The following CLVS2 variants were observed in gnomAD, a reference collection of about 807,000 sequenced individuals.
CLVS2 encodes clavesin 2, also known as clavesin-2.
CLVS2 carries 19 observed loss-of-function variants against 29.0 expected under a neutral mutation model. That is an observed-to-expected ratio of 0.66 (90% CI 0.46 to 0.96). The LOEUF (loss-of-function observed/expected upper bound fraction) is 0.96, where lower values mean the gene tolerates loss of function less well. CLVS2 is among the 40% of genes least tolerant of loss of function. The pLI, the probability that CLVS2 is intolerant of heterozygous loss-of-function variation, is 0.00. For synonymous variants in CLVS2, 161 were observed against 151.3 expected, an observed-to-expected ratio of 1.06 and a Z score of -0.47; for missense variants, 294 against 404.1, an observed-to-expected ratio of 0.73 and a Z score of 2.34.
chr6:123,029,027 G>T (rs1406824962), intron 3 of CLVS2, among the ~76,000 whole-genome samples: 1 of 152,108 alleles, frequency 6.6e-6, no homozygotes, highest in Non-Finnish European at 1.5e-5. Context: ...AAGAAAGTTT[G>T]CTTTATCTTT....
At chr6:123,027,187 A>G (rs534506617) in intron 3 of CLVS2, among the ~76,000 whole-genome samples, 48 of 152,320 alleles carry the variant, frequency 3.2e-4, no homozygotes, top group African/African-American at 1.1e-3. Flanking sequence ...TTTAAACTCT[A>G]TTTTATGAAG....
chr6:123,003,638 C>T (rs548312697), intron 2 of CLVS2, among the ~76,000 whole-genome samples: 1 of 152,032 alleles, frequency 6.6e-6, no homozygotes, highest in Non-Finnish European at 1.5e-5. Context: ...GTACTGGGGG[C>T]AAATAAAGAC....
intron 3 of CLVS2, among the ~76,000 whole-genome samples, chr6:123,011,745 A>T (rs1241013373): frequency 6.6e-6 from 1 of 151,978 alleles, no homozygotes; most frequent in Non-Finnish European, 1.5e-5. Context: ...AGAAGATGGG[A>T]AACATATTAT....
intron 3 of CLVS2, among the ~76,000 whole-genome samples, chr6:123,047,395 A>G (rs1305586898): frequency 6.6e-6 from 1 of 152,158 alleles, no homozygotes; most frequent in Non-Finnish European, 1.5e-5. Flanking sequence ...TAAAAGTTTT[A>G]TCTTAAGCTA....
intron 4 of CLVS2, among the ~76,000 whole-genome samples, chr6:123,051,530 G>A (rs1772611085): frequency 6.6e-6 from 1 of 152,184 alleles, no homozygotes; most frequent in Non-Finnish European, 1.5e-5. Flanking sequence ...CTACCCTAGT[G>A]TATTCTTCAG....
At chr6:123,031,082 A>G (rs1775077578) in intron 3 of CLVS2, among the ~76,000 whole-genome samples, 1 of 151,814 alleles carries the variant, frequency 6.6e-6, no homozygotes, top group Admixed American at 6.6e-5. Context: ...ATGGGCATGC[A>G]CCACAACTCC....
At chr6:123,002,012 A>C (rs1774595458) in intron 2 of CLVS2, among the ~76,000 whole-genome samples, 1 of 152,232 alleles carries the variant, frequency 6.6e-6, no homozygotes, top group South Asian at 2.1e-4. Flanking sequence ...GTACTTCACT[A>C]TACTTTAGTA....
chr6:123,063,715 A>G lies in CLVS2; in HGVS notation c.938A>G (p.Asp313Gly), dbSNP rs1253828334. 2 of 1,612,530 alleles carry G rather than the reference A, an allele frequency of 1.2e-6. No individual in the cohort carries two copies. The highest frequency in any genetic ancestry group is 1.7e-6 in the Non-Finnish European group (2 of 1,178,758). The change falls in exon 6 of 6, where the codon GAT (aspartate) becomes GGT (glycine). Residue 313 changes from aspartate (D) to glycine (G), a missense_variant. Physicochemically the swap from Asp to Gly is moderately conservative, Grantham distance 94. Around this residue, in one of 2 missense-constraint regions of CLVS2, gnomAD observed 82 missense variants for 67.8 expected, o/e 1.21. Transcript: ENST00000275162. ...GATCCTACAGTACTAAAACGCATGG[A>G]TAAAAATGAGGAAGAAAACATGCAA... Reference protein sequence around the residue: ...VVDPTVLKRMDKNEEENMQPL... With the variant: ...VVDPTVLKRMGKNEEENMQPL...
chr6:123,022,316 C>A (rs9385283), intron 3 of CLVS2, among the ~76,000 whole-genome samples: 1 of 151,798 alleles, frequency 6.6e-6, no homozygotes, highest in Non-Finnish European at 1.5e-5. Context: ...TGAAAATTCA[C>A]CATAGTTTGT....
intron 5 of CLVS2, among the ~76,000 whole-genome samples, chr6:123,059,068 G>A (rs535718365): frequency 3.3e-5 from 5 of 152,252 alleles, no homozygotes; most frequent in South Asian, 2.1e-4. Flanking sequence ...TCCTCCAGGT[G>A]TATCCTGTCT....
intron 2 of CLVS2, among the ~76,000 whole-genome samples, chr6:123,007,299 A>G (rs1396057172): frequency 2.0e-5 from 3 of 152,174 alleles, no homozygotes; most frequent in Non-Finnish European, 4.4e-5. Flanking sequence ...TATTATCATC[A>G]TTTTTAAAAG....
At position 123,064,723 on chromosome 6, in the gene CLVS2, C is replaced by G. The variant is rs1772828500; in HGVS notation, c.*962C>G. On this transcript the variant is annotated 3_prime_UTR_variant, in exon 6 of 6. Coordinates refer to ENST00000275162, the MANE Select transcript of CLVS2 (RefSeq NM_001010852.4). Reference sequence around the variant, plus strand: ...ATATTTTTACTGAGCTCTAATAAATCCTTAATGTGACAGGCTTATAAAATA... The same window carrying G: ...ATATTTTTACTGAGCTCTAATAAATGCTTAATGTGACAGGCTTATAAAATA... 1.3e-5 allele frequency: 2 copies of G among 151,494 alleles called. No individual in the cohort carries two copies. The highest frequency in any genetic ancestry group is 4.8e-5 in the African/African-American group (2 of 41,340). The allele number at this position is 151,494 out of a possible 1,614,324, so 9.4% of individuals were successfully genotyped here.
chr6:123,026,532 A>C (rs1775003362), intron 3 of CLVS2, among the ~76,000 whole-genome samples: 1 of 152,196 alleles, frequency 6.6e-6, no homozygotes, highest in South Asian at 2.1e-4. Flanking sequence ...TGCATTGTGG[A>C]TACATATAGC....
chr6:123,040,466 CGTT>C (rs780219004), intron 3 of CLVS2, among the ~76,000 whole-genome samples: 1 of 152,144 alleles, frequency 6.6e-6, no homozygotes, highest in South Asian at 2.1e-4. Context: ...AAAAGAGTAA[CGTT>C]GTGTTCTCCC....
intron 5 of CLVS2, among the ~76,000 whole-genome samples, chr6:123,062,460 AC>A (rs1772792664): frequency 6.6e-6 from 1 of 151,864 alleles, no homozygotes; most frequent in African/African-American, 2.4e-5. Context: ...TCTTACGCTC[AC>A]ACACACAACT....
chr6:123,020,411 G>T (rs1291511709), intron 3 of CLVS2, among the ~76,000 whole-genome samples: 1 of 152,050 alleles, frequency 6.6e-6, no homozygotes, highest in Non-Finnish European at 1.5e-5. Context: ...TAGCAATATA[G>T]CTGTTGCTTT....
rs1218682581 is a variant in CLVS2 at position 123,032,587 on chromosome 6, A to G, written c.565-16035A>G. On this transcript the variant is annotated intron_variant, in intron 3 of 5. Coordinates refer to ENST00000275162, the MANE Select transcript of CLVS2 (RefSeq NM_001010852.4). ...TCAATAAAATATGATTTTTTAACCTAAACAAAGAAAATTATAAAAGCGAGT... is the reference window on the plus strand; with the variant it reads ...TCAATAAAATATGATTTTTTAACCTGAACAAAGAAAATTATAAAAGCGAGT... 7.2e-5 allele frequency among the ~76,000 whole-genome samples: 11 copies of G among 152,250 alleles called. No homozygotes were observed. In the East Asian group the frequency reaches 2.1e-3, roughly 29 times the overall value.
intron 2 of CLVS2, among the ~76,000 whole-genome samples, chr6:123,004,979 A>G (rs1032187838): frequency 1.3e-5 from 2 of 152,064 alleles, no homozygotes; most frequent in Non-Finnish European, 2.9e-5. Flanking sequence ...TTATCTATTC[A>G]TCAAACTCTG....
intron 3 of CLVS2, among the ~76,000 whole-genome samples, chr6:123,023,082 G>A (rs1774947420): frequency 6.6e-6 from 1 of 152,064 alleles, no homozygotes; most frequent in African/African-American, 2.4e-5. Flanking sequence ...TTTAGAACTA[G>A]GAAGTACCTT....
Sources: allele counts gnomAD v4.1 joint callset (sites outside exome capture counted in the v4.1 genomes callset), GRCh38; gene constraint gnomAD v4.1.1; regional missense constraint gnomAD v4.1.1; transcripts MANE v1.5; gene names NCBI Gene and HGNC (gene_info 2026-07-23, HGNC 2026-07-21).